DECR1: variants seen among roughly 807,000 people sequenced by gnomAD.
DECR1 encodes 2,4-dienoyl-CoA reductase 1, also known as 2,4-dienoyl-CoA reductase [(3E)-enoyl-CoA-producing], mitochondrial.
In DECR1, 44 loss-of-function variants were observed where a neutral mutation model predicts 38.8. The observed-to-expected ratio is 1.13, with a 90% CI of 0.89 to 1.46. The LOEUF is 1.46. DECR1 is among the 40% of genes most tolerant of loss of function. The pLI is 0.00. For missense variants in DECR1, 428 were observed against 405.5 expected (o/e 1.06, Z -0.48); for synonymous variants, 148 against 135.2 (o/e 1.09, Z -0.66).
intron 6 of DECR1, 164 bp downstream of exon 6, chr8:90,037,104 A>G: frequency 3.5e-6 from 2 of 579,618 alleles, no homozygotes; most frequent in Non-Finnish European, 6.2e-6. Context: ...CTATTTGTCT[A>G]TAGCAGCGCT....
At position 90,052,104 on chromosome 8, in the gene DECR1, A is replaced by C; in HGVS notation, c.*207A>C. ...TCCTTCAAAACATTAAAAAAAAAAA[A>C]AGGAGGCATGGGGAGAGTAGGTAAA... On this transcript the variant is annotated 3_prime_UTR_variant, in exon 10 of 10. Transcript: ENST00000220764. 1.9e-6 allele frequency: 1 copy of C among 513,060 alleles called. No individual in the cohort carries two copies. The highest frequency in any genetic ancestry group is 3.4e-6 in the Non-Finnish European group (1 of 295,216). 31.8% of individuals were successfully genotyped at this position (513,060 alleles called of 1,614,324 possible).
chr8:90,033,229 G>A (rs1813540911), intron 5 of DECR1, among the ~76,000 whole-genome samples: 1 of 152,118 alleles, frequency 6.6e-6, no homozygotes, highest in Non-Finnish European at 1.5e-5. Context: ...TCATAATCTT[G>A]CACATATCAT....
At chr8:90,050,065 A>G (rs1473850967) in intron 8 of DECR1, among the ~76,000 whole-genome samples, 1 of 152,250 alleles carries the variant, frequency 6.6e-6, no homozygotes, top group East Asian at 1.9e-4. Context: ...ACCTGAAACT[A>G]TAAACACCCT....
At chr8:90,032,298 G>A (rs983768137) in intron 5 of DECR1, among the ~76,000 whole-genome samples, 16 of 152,064 alleles carry the variant, frequency 1.1e-4, no homozygotes, top group Non-Finnish European at 1.8e-4. Flanking sequence ...CATAGGGACT[G>A]GTACATCTCA....
At chr8:90,011,913 A>G (rs1223539651) in intron 1 of DECR1, among the ~76,000 whole-genome samples, 2 of 152,194 alleles carry the variant, frequency 1.3e-5, no homozygotes, top group Non-Finnish European at 2.9e-5. Context: ...TCTTATCAAC[A>G]GATTGTAAGG....
chr8:90,024,605 G>C (rs1813278045), intron 5 of DECR1, among the ~76,000 whole-genome samples: 1 of 152,162 alleles, frequency 6.6e-6, no homozygotes, highest in Non-Finnish European at 1.5e-5. Context: ...GTTCTTTGTA[G>C]ATTCTGGATA....
chr8:90,040,028 G>C (rs186353994), intron 6 of DECR1, among the ~76,000 whole-genome samples: 1 of 152,238 alleles, frequency 6.6e-6, no homozygotes, highest in East Asian at 1.9e-4. Flanking sequence ...ATATCAGCTA[G>C]CTTAATGACA....
At chr8:90,044,470 C>T (rs1813835262) in intron 7 of DECR1, among the ~76,000 whole-genome samples, 1 of 152,080 alleles carries the variant, frequency 6.6e-6, no homozygotes, top group Admixed American at 6.6e-5. Context: ...AAGGAATTTC[C>T]TCTTAAATAT....
chr8:90,036,347 A>G (rs951250520), intron 5 of DECR1, among the ~76,000 whole-genome samples: 25 of 152,058 alleles, frequency 1.6e-4, no homozygotes, highest in Admixed American at 2.0e-4. Context: ...TTTTCCTTCT[A>G]TCAGAGTCAT....
intron 5 of DECR1, among the ~76,000 whole-genome samples, chr8:90,026,325 G>A (rs1336997837): frequency 2.0e-5 from 3 of 152,064 alleles, no homozygotes; most frequent in Non-Finnish European, 4.4e-5. Flanking sequence ...TACCTCTGGT[G>A]GAATTTGGCT....
chr8:90,051,128 C>G (rs2130188708), intron 8 of DECR1, among the ~76,000 whole-genome samples: 1 of 150,346 alleles, frequency 6.7e-6, no homozygotes, highest in Non-Finnish European at 1.5e-5. Flanking sequence ...ACATATGTAA[C>G]AAACCTGCAC....
At chr8:90,014,362 G>A (rs1401952232) in intron 1 of DECR1, among the ~76,000 whole-genome samples, 1 of 152,152 alleles carries the variant, frequency 6.6e-6, no homozygotes, top group Admixed American at 6.5e-5. Flanking sequence ...AGGTTGAAAT[G>A]AACATCTTCC....
chr8:90,040,211 G>A (rs946814393), intron 6 of DECR1, among the ~76,000 whole-genome samples: 1 of 152,162 alleles, frequency 6.6e-6, no homozygotes, highest in African/African-American at 2.4e-5. Context: ...ATTTAGAGTA[G>A]ATACACTATA....
At chr8:90,011,795 A>G (rs1231807147) in intron 1 of DECR1, among the ~76,000 whole-genome samples, 6 of 152,102 alleles carry the variant, frequency 3.9e-5, no homozygotes, top group Non-Finnish European at 8.8e-5. Flanking sequence ...ATGAATGAGT[A>G]TTTCTTTTAG....
At chr8:90,026,466 C>A (rs532819645) in intron 5 of DECR1, among the ~76,000 whole-genome samples, 5 of 152,024 alleles carry the variant, frequency 3.3e-5, no homozygotes, top group African/African-American at 7.2e-5. Context: ...GTGTATGTGT[C>A]CAGGAATGTA....
At chr8:90,043,419 A>C (rs1563654313) in intron 7 of DECR1, among the ~76,000 whole-genome samples, 1 of 152,176 alleles carries the variant, frequency 6.6e-6, no homozygotes, top group Non-Finnish European at 1.5e-5. Flanking sequence ...ATGTTGTTAC[A>C]GATGTTGCTC....
intron 5 of DECR1, among the ~76,000 whole-genome samples, chr8:90,022,365 G>A (rs750377530): frequency 2.4e-4 from 36 of 152,124 alleles, no homozygotes; most frequent in Middle Eastern, 3.2e-3. Context: ...GTGTGTGTCT[G>A]CTCACATACA....
chr8:90,032,068 T>G (rs573512486), intron 5 of DECR1, among the ~76,000 whole-genome samples: 1 of 152,274 alleles, frequency 6.6e-6, no homozygotes, highest in Non-Finnish European at 1.5e-5. Flanking sequence ...TGCACAGAGT[T>G]GCTTGGCTGG....
chr8:90,022,094 G>A (rs529945408), intron 5 of DECR1, among the ~76,000 whole-genome samples: 29 of 152,238 alleles, frequency 1.9e-4, no homozygotes, highest in Admixed American at 3.9e-4. Context: ...AACTTGAAGG[G>A]TGCGGGTATT....
Sources: gnomAD v4.1 joint callset for allele counts (sites outside exome capture counted in the v4.1 genomes callset) on GRCh38, gnomAD v4.1.1 for gene constraint, MANE v1.5 for transcripts, NCBI Gene and HGNC (gene_info 2026-07-23, HGNC 2026-07-21) for gene names.